The following TOP1 variants were observed in gnomAD, a reference collection of about 807,000 sequenced individuals.
The protein encoded by TOP1 is DNA topoisomerase I.
A neutral mutation model predicts 111.1 loss-of-function variants in TOP1; 10 were observed. That is an observed-to-expected ratio of 0.09 (90% CI 0.06 to 0.15). The LOEUF is 0.15. Among genes scored for constraint, TOP1 ranks in the 10% least tolerant of loss-of-function variants. TOP1 has a pLI of 1.00. For missense variants in TOP1, 474 were observed against 926.7 expected (o/e 0.51, Z 6.34); for synonymous variants, 271 against 302.9 (o/e 0.89, Z 1.10).
Position 41,121,728 on chromosome 20 carries a change from C to G in TOP1, c.1983C>G (p.Ala661=). 1 of 1,614,094 alleles carries G rather than the reference C, an allele frequency of 6.2e-7. No individual in the cohort carries two copies. Among genetic ancestry groups the G allele is most frequent in the African/African-American group, 1.3e-5 (1 of 75,032 alleles). ...CCAAGAAGGAACAGCTAGCAGATGC[C>G]CGGAGAGACCTGAAAAGTGCTAAGG... ...IDAKKEQLAD[A]RRDLKSAKAD... Residue 661 remains alanine, a synonymous_variant, in exon 19 of 21, where the codon GCC becomes GCG. Transcript: ENST00000361337. This position sits in a 1 kb window ranked among gnomAD's most constrained non-coding sequence, Gnocchi z 4.2.
At chr20:41,091,981 A>G (rs193210706) in intron 8 of TOP1, among the ~76,000 whole-genome samples, 2 of 152,318 alleles carry the variant, frequency 1.3e-5, no homozygotes, top group Non-Finnish European at 1.5e-5. Flanking sequence ...ATGCGTAAGT[A>G]CCTTAAACTC....
chr20:41,054,520 A>C (rs951063534), intron 2 of TOP1, among the ~76,000 whole-genome samples: 1 of 152,122 alleles, frequency 6.6e-6, no homozygotes, highest in Non-Finnish European at 1.5e-5. Flanking sequence ...CTAGATACCC[A>C]TTATTATCTT....
At chr20:41,038,252 G>T (rs1271350078) in intron 2 of TOP1, among the ~76,000 whole-genome samples, 2 of 152,146 alleles carry the variant, frequency 1.3e-5, no homozygotes, top group African/African-American at 4.8e-5. Context: ...CAATGGCTAG[G>T]TCTTTGAACA....
chr20:41,073,425 C>G, intron 3 of TOP1: 1 of 984,742 alleles, frequency 1.0e-6, no homozygotes, highest in Non-Finnish European at 1.2e-6. Flanking sequence ...ACAAGCAACC[C>G]CAAAGGTTTT....
chr20:41,100,755 T>C lies in TOP1; in HGVS notation c.1164-454T>C, dbSNP rs1036873442. Reference sequence around the variant, plus strand: ...CTCTGTGCAGCTTCTGTATGGCATATCCAAATTGCCAACATCACCACTTTC... The same window carrying C: ...CTCTGTGCAGCTTCTGTATGGCATACCCAAATTGCCAACATCACCACTTTC... On this transcript the variant is annotated intron_variant, in intron 12 of 20. Transcript: ENST00000361337. The surrounding 1 kb of genome is among the most constrained non-coding windows in gnomAD (Gnocchi z 4.4). 9 of 163,952 alleles carry C rather than the reference T, an allele frequency of 5.5e-5. No individual in the cohort carries two copies. Among genetic ancestry groups the C allele is most frequent in the African/African-American group, 2.2e-4 (9 of 41,704 alleles). 10.2% of individuals were successfully genotyped at this position (163,952 alleles called of 1,614,324 possible).
At position 41,092,971 on chromosome 20, in the gene TOP1, G is replaced by A. The variant is rs141159075; in HGVS notation, c.730+384G>A. Among the ~76,000 whole-genome samples, 26 of 152,256 alleles carry A rather than the reference G, an allele frequency of 1.7e-4. No homozygotes were observed. The highest frequency in any genetic ancestry group is 5.8e-4 in the African/African-American group (24 of 41,560). Reference sequence around the variant, plus strand: ...ATGTTAGCAATATAACAATGCAATCGGACAAGCTGCTCATCACTAGAAACA... The same window carrying A: ...ATGTTAGCAATATAACAATGCAATCAGACAAGCTGCTCATCACTAGAAACA... On this transcript the variant is annotated intron_variant, in intron 9 of 20. Transcript: ENST00000361337. The surrounding 1 kb of genome is among the most constrained non-coding windows in gnomAD (Gnocchi z 4.3).
chr20:41,089,513 A>G (rs1265744028), intron 8 of TOP1, among the ~76,000 whole-genome samples: 1 of 152,268 alleles, frequency 6.6e-6, no homozygotes, highest in Non-Finnish European at 1.5e-5. Flanking sequence ...AAGGCTAAAT[A>G]ATATTCCATT....
chr20:41,089,855 G>C (rs1412731115), intron 8 of TOP1, among the ~76,000 whole-genome samples: 10 of 152,096 alleles, frequency 6.6e-5, no homozygotes. Flanking sequence ...ATCTCATTGT[G>C]GTTTTGATTG....
chr20:41,068,378 C>A (rs2033631776), intron 3 of TOP1, among the ~76,000 whole-genome samples: 1 of 152,168 alleles, frequency 6.6e-6, no homozygotes, highest in Non-Finnish European at 1.5e-5. Flanking sequence ...CTGCTTCTTT[C>A]TGTTAGCGTT....
rs1434356223 is a variant in TOP1, at chr20:41,071,847, T to C, written c.156-4324T>C. Among the ~76,000 whole-genome samples the C allele has an allele frequency of 6.6e-6, 1 of 152,212 alleles. No homozygotes were observed. Among genetic ancestry groups the C allele is most frequent in the Non-Finnish European group, 1.5e-5 (1 of 68,038 alleles). On this transcript the variant is annotated intron_variant, in intron 3 of 20. Transcript: ENST00000361337. This position sits in a 1 kb window ranked among gnomAD's most constrained non-coding sequence, Gnocchi z 4.3. ...GTCAGCATCTATGCCTAGCCAATAA[T>C]TGGTTGTTTTCTCGTTCAGAGTTCC...
intron 2 of TOP1, among the ~76,000 whole-genome samples, chr20:41,038,676 A>G (rs917579268): frequency 4.6e-5 from 7 of 151,968 alleles, no homozygotes; most frequent in Admixed American, 1.3e-4. Context: ...TGTTTCTCAT[A>G]CCTTAAATTG....
At chr20:41,085,443 T>TATTTA (rs1433111038) in intron 8 of TOP1, among the ~76,000 whole-genome samples, 1 of 152,214 alleles carries the variant, frequency 6.6e-6, no homozygotes, top group East Asian at 1.9e-4. Flanking sequence ...TTGAGAAGTG[T>TATTTA]ATTTAGGTGG....
intron 2 of TOP1, among the ~76,000 whole-genome samples, chr20:41,043,391 C>CG (rs1488263118): frequency 2.0e-5 from 3 of 152,110 alleles, no homozygotes; most frequent in Non-Finnish European, 2.9e-5. Context: ...AATTCATAAT[C>CG]GGGGGAGGAT....
chr20:41,047,819 C>T (rs2033351854), intron 2 of TOP1, among the ~76,000 whole-genome samples: 1 of 152,120 alleles, frequency 6.6e-6, no homozygotes, highest in Non-Finnish European at 1.5e-5. Context: ...GGTATGTAGC[C>T]TCTAGCTCCC....
rs545903731 is a variant in TOP1 at position 41,123,933 on chromosome 20, T to C, written c.*636T>C. The C allele has an allele frequency of 4.3e-6, 1 of 231,978 alleles. No individual in the cohort carries two copies. Among genetic ancestry groups the C allele is most frequent in the South Asian group, 1.8e-4 (1 of 5,514 alleles). 14.4% of individuals were successfully genotyped at this position (231,978 alleles called of 1,614,324 possible). A position where few individuals can be genotyped will look rare whatever the true frequency, so the allele number is the denominator to read the frequency against. On this transcript the variant is annotated 3_prime_UTR_variant, in exon 21 of 21. Coordinates refer to ENST00000361337, the MANE Select transcript of TOP1 (RefSeq NM_003286.4). The surrounding 1 kb of genome is among the most constrained non-coding windows in gnomAD (Gnocchi z 5.8). Reference sequence around the variant, plus strand: ...ATTTCCTGACTTGAGTGTTCCTTTTTAAATGTGAATTTTTATTTCTTTTTA... The same window carrying C: ...ATTTCCTGACTTGAGTGTTCCTTTTCAAATGTGAATTTTTATTTCTTTTTA...
In TOP1 at chr20:41,101,925, A is replaced by G. The variant is rs570901088; in HGVS notation, c.1308+572A>G. 2.0e-5 allele frequency among the ~76,000 whole-genome samples: 3 copies of G among 152,332 alleles called. No individual in the cohort carries two copies. The highest frequency in any genetic ancestry group is 4.1e-4 in the South Asian group (2 of 4,830). On this transcript the variant is annotated intron_variant, in intron 13 of 20. Transcript: ENST00000361337. This position sits in a 1 kb window ranked among gnomAD's most constrained non-coding sequence, Gnocchi z 4.1. ...CATACCTATGCACTGTTATTTATTG[A>G]TAGTGTTATTGCAAGGAGATAACTG...
chr20:41,088,161 A>G (rs1055158280), intron 8 of TOP1, among the ~76,000 whole-genome samples: 1 of 152,220 alleles, frequency 6.6e-6, no homozygotes, highest in Non-Finnish European at 1.5e-5. Context: ...CAGGATACAC[A>G]TGTTGAAATA....
intron 18 of TOP1, among the ~76,000 whole-genome samples, chr20:41,120,597 C>T (rs2034407035): frequency 6.6e-6 from 1 of 152,200 alleles, no homozygotes; most frequent in Non-Finnish European, 1.5e-5. Flanking sequence ...TTCAAAGATT[C>T]TAACAAGCAA....
At chr20:41,113,476 G>C (rs989023133) in intron 14 of TOP1, among the ~76,000 whole-genome samples, 3 of 152,118 alleles carry the variant, frequency 2.0e-5, no homozygotes, top group African/African-American at 7.2e-5. Context: ...CATAGTGAGT[G>C]GGGGAGGAAG....
Sources: gnomAD v4.1 joint callset for allele counts (sites outside exome capture counted in the v4.1 genomes callset) on GRCh38, gnomAD v4.1.1 for gene constraint, Gnocchi (gnomAD v3.1) non-coding constraint, MANE v1.5 for transcripts, NCBI Gene and HGNC (gene_info 2026-07-23, HGNC 2026-07-21) for gene names.